The following ZNF385D variants were observed in gnomAD, a reference collection of about 807,000 sequenced individuals.
The protein encoded by ZNF385D is zinc finger protein 385D.
Under a neutral mutation model 35.8 loss-of-function variants are expected in ZNF385D, and 15 were observed. The observed-to-expected ratio is 0.42, with a 90% CI of 0.28 to 0.64. The LOEUF (loss-of-function observed/expected upper bound fraction) is 0.64, where lower values mean the gene tolerates loss of function less well. Among genes scored for constraint, ZNF385D ranks in the 30% least tolerant of loss-of-function variants. The pLI is 0.23. For missense variants in ZNF385D, 474 were observed against 494.6 expected (o/e 0.96, Z 0.39); for synonymous variants, 212 against 186.8 (o/e 1.13, Z -1.10).
chr3:21,805,512 A>T (rs1199194781), intron 3 of ZNF385D, among the ~76,000 whole-genome samples: 14 of 152,210 alleles, frequency 9.2e-5, no homozygotes, highest in Admixed American at 9.2e-4. Flanking sequence ...CTTGTGATTT[A>T]GGAGAAAGAA....
chr3:21,477,206 A>C (rs1704309206), intron 4 of ZNF385D, among the ~76,000 whole-genome samples: 1 of 152,066 alleles, frequency 6.6e-6, no homozygotes. Flanking sequence ...AGCCTGGTTG[A>C]GGTTTCTATA....
chr3:22,066,201 G>T (rs772715241), intron 3 of ZNF385D, among the ~76,000 whole-genome samples: 9 of 151,900 alleles, frequency 5.9e-5, no homozygotes, highest in Non-Finnish European at 1.2e-4. Context: ...AGAGTCAAAA[G>T]TTATGCTCAG....
chr3:21,707,483 G>C (rs2067949188), intron 1 of ZNF385D, among the ~76,000 whole-genome samples: 1 of 152,150 alleles, frequency 6.6e-6, no homozygotes, highest in Non-Finnish European at 1.5e-5. Context: ...CCCCCATCCT[G>C]ATATCTCCTT....
intron 3 of ZNF385D, among the ~76,000 whole-genome samples, chr3:21,903,382 G>C (rs1218972733): frequency 2.0e-5 from 3 of 152,092 alleles, no homozygotes; most frequent in African/African-American, 7.2e-5. Flanking sequence ...TTAAAATTGT[G>C]ACCCTAACTC....
intron 6 of ZNF385D, among the ~76,000 whole-genome samples, chr3:21,424,317 A>ATATATATTTATATATATATATATATATT (rs1221923155): frequency 7.8e-5 from 5 of 63,798 alleles, no homozygotes; most frequent in Admixed American, 3.1e-4. Flanking sequence ...ATATATATAT[A>ATATATATTTATATATATATATATATATT]TTTTTTTTTT....
chr3:22,200,883 G>A (rs1013604172), intron 2 of ZNF385D, among the ~76,000 whole-genome samples: 26 of 152,032 alleles, frequency 1.7e-4, no homozygotes, highest in East Asian at 3.9e-4. Context: ...GCTCACCAGC[G>A]GTCAGAGTGT....
intron 3 of ZNF385D, among the ~76,000 whole-genome samples, chr3:21,844,845 C>G (rs1250019228): frequency 3.3e-5 from 5 of 151,702 alleles, no homozygotes; most frequent in Non-Finnish European, 7.4e-5. Context: ...TTCAACCTCA[C>G]AAATACAAGT....
chr3:21,794,382 C>G (rs540457340), intron 3 of ZNF385D, among the ~76,000 whole-genome samples: 1 of 152,030 alleles, frequency 6.6e-6, no homozygotes, highest in African/African-American at 2.4e-5. Flanking sequence ...GCTAGAGTTG[C>G]CAGAGTGTCA....
chr3:21,959,804 G>C (rs1702485192), intron 3 of ZNF385D, among the ~76,000 whole-genome samples: 1 of 152,146 alleles, frequency 6.6e-6, no homozygotes, highest in African/African-American at 2.4e-5. Context: ...CCTAGAAAGA[G>C]AAAATCTGCA....
At chr3:22,070,734 G>A (rs1472818535) in intron 3 of ZNF385D, among the ~76,000 whole-genome samples, 1 of 152,028 alleles carries the variant, frequency 6.6e-6, no homozygotes, top group Non-Finnish European at 1.5e-5. Flanking sequence ...AAGGGTAAGG[G>A]GAATCTATAT....
chr3:22,071,630 C>T (rs561026158), intron 3 of ZNF385D, among the ~76,000 whole-genome samples: 1 of 152,260 alleles, frequency 6.6e-6, no homozygotes, highest in African/African-American at 2.4e-5. Flanking sequence ...GTAAGCTCAA[C>T]ATTTCAACAT....
chr3:22,088,079 A>T (rs1311089338), intron 3 of ZNF385D, among the ~76,000 whole-genome samples: 1 of 152,194 alleles, frequency 6.6e-6, no homozygotes, highest in Non-Finnish European at 1.5e-5. Context: ...CTAAAACAAG[A>T]GGATTTTACA....
chr3:22,185,084 C>T (rs1055073353), intron 2 of ZNF385D, among the ~76,000 whole-genome samples: 35 of 152,154 alleles, frequency 2.3e-4, no homozygotes, highest in Non-Finnish European at 3.8e-4. Context: ...CTATCAACTT[C>T]AGTTCACTGT....
At chr3:21,890,429 GC>G (rs1698789950) in intron 3 of ZNF385D, among the ~76,000 whole-genome samples, 1 of 152,062 alleles carries the variant, frequency 6.6e-6, no homozygotes, top group African/African-American at 2.4e-5. Context: ...GACCAGCCTG[GC>G]CAACATGGTG....
chr3:22,090,358 G>C lies in ZNF385D; in HGVS notation c.325+78459C>G, dbSNP rs1429246141. On this transcript the variant is annotated intron_variant, in intron 3 of 5. Coordinates refer to the ZNF385D transcript ENST00000494108. ...ATCACAATTAATTAATCAAACTATTGCCTGTGGTATATTGTGATAAAGTGC... is the reference window on the plus strand; with the variant it reads ...ATCACAATTAATTAATCAAACTATTCCCTGTGGTATATTGTGATAAAGTGC... Among the ~76,000 whole-genome samples the C allele has an allele frequency of 2.0e-5, 3 of 152,194 alleles. No homozygotes were observed. The East Asian group carries it at 5.8e-4, about 29-fold the overall frequency.
intron 3 of ZNF385D, among the ~76,000 whole-genome samples, chr3:21,830,369 T>A (rs996785205): frequency 1.3e-5 from 2 of 152,208 alleles, no homozygotes; most frequent in Non-Finnish European, 2.9e-5. Flanking sequence ...TGATCTGTTA[T>A]GTTACCAGTG....
upstream of ZNF385D, among the ~76,000 whole-genome samples, chr3:21,755,754 C>G (rs1032193442): frequency 2.6e-5 from 4 of 152,070 alleles, no homozygotes; most frequent in African/African-American, 9.7e-5. Context: ...TGAACAAATT[C>G]ATTATTTATC....
At chr3:21,988,703 G>A (rs200046991) in intron 3 of ZNF385D, among the ~76,000 whole-genome samples, 6 of 149,716 alleles carry the variant, frequency 4.0e-5, no homozygotes, top group South Asian at 2.2e-4. Flanking sequence ...CCACCCAGTT[G>A]GAGCTTCCTG....
chr3:22,150,711 A>G (rs1278071814), intron 3 of ZNF385D, among the ~76,000 whole-genome samples: 1 of 152,168 alleles, frequency 6.6e-6, no homozygotes, highest in East Asian at 1.9e-4. Flanking sequence ...ATGTCTTAAA[A>G]TATATTTAAT....
Sources: allele counts gnomAD v4.1 joint callset (sites outside exome capture counted in the v4.1 genomes callset), GRCh38; gene constraint gnomAD v4.1.1; transcripts MANE v1.5; gene names NCBI Gene and HGNC (gene_info 2026-07-23, HGNC 2026-07-21).